The following TANGO6 variants were observed in gnomAD, a reference collection of about 807,000 sequenced individuals.
The protein encoded by TANGO6 is transport and Golgi organization protein 6 homolog.
TANGO6 carries 90 observed loss-of-function variants against 114.2 expected under a neutral mutation model. That is an observed-to-expected ratio of 0.79 (90% CI 0.66 to 0.94). TANGO6 has a LOEUF of 0.94. TANGO6 is among the 40% of genes least tolerant of loss of function. The pLI is 0.00. For synonymous variants in TANGO6, 477 were observed against 509.8 expected, an observed-to-expected ratio of 0.94 and a Z score of 0.87; for missense variants, 1,274 against 1,315.3, an observed-to-expected ratio of 0.97 and a Z score of 0.49.
At chr16:68,848,388 C>T (rs1246074035) in intron 1 of TANGO6, among the ~76,000 whole-genome samples, 1 of 152,044 alleles carries the variant, frequency 6.6e-6, no homozygotes, top group Non-Finnish European at 1.5e-5. Flanking sequence ...ACCTTAATTT[C>T]ACTACCCAGA....
intron 17 of TANGO6, among the ~76,000 whole-genome samples, chr16:69,042,576 C>T (rs1013281571): frequency 6.6e-6 from 1 of 152,128 alleles, no homozygotes; most frequent in Non-Finnish European, 1.5e-5. Flanking sequence ...TCTGTAGGGA[C>T]AGACTTGCTC....
At chr16:68,959,891 A>G (rs1269605590) in intron 14 of TANGO6, among the ~76,000 whole-genome samples, 1 of 152,236 alleles carries the variant, frequency 6.6e-6, no homozygotes, top group Non-Finnish European at 1.5e-5. Flanking sequence ...AAATGTCAGT[A>G]GAAAACTTAG....
chr16:68,866,129 A>G (rs1381982089), intron 3 of TANGO6, among the ~76,000 whole-genome samples: 2 of 152,078 alleles, frequency 1.3e-5, no homozygotes, highest in Non-Finnish European at 2.9e-5. Context: ...TGTTCCGAAG[A>G]TCTACATTTT....
intron 8 of TANGO6, among the ~76,000 whole-genome samples, 184 bp from the exon 9 acceptor site, chr16:68,902,144 G>T (rs891256142): frequency 6.6e-6 from 1 of 151,924 alleles, no homozygotes; most frequent in Non-Finnish European, 1.5e-5. Flanking sequence ...TGAATTTCAG[G>T]ATATTTGCAT....
chr16:68,973,856 C>T, intron 14 of TANGO6, 172 bp from the exon 15 acceptor site: 1 of 671,108 alleles, frequency 1.5e-6, no homozygotes, highest in East Asian at 2.7e-5. Flanking sequence ...CTACCAGGCC[C>T]ATCTTCGTTC....
At chr16:68,914,748 A>G (rs567985707) in intron 11 of TANGO6, among the ~76,000 whole-genome samples, 18 of 152,222 alleles carry the variant, frequency 1.2e-4, no homozygotes, top group African/African-American at 4.3e-4. Context: ...GGAAATGTAT[A>G]GTAGGGGGAG....
chr16:68,853,746 A>G (rs1436776876), intron 1 of TANGO6, among the ~76,000 whole-genome samples: 1 of 152,160 alleles, frequency 6.6e-6, no homozygotes, highest in Non-Finnish European at 1.5e-5. Context: ...ATCATGTCAT[A>G]CTTCTGCCAA....
chr16:69,030,951 G>A (rs1959583858), intron 16 of TANGO6, among the ~76,000 whole-genome samples: 1 of 151,928 alleles, frequency 6.6e-6, no homozygotes, highest in South Asian at 2.1e-4. Flanking sequence ...AGCTACTCAG[G>A]AAGCTGAGGC....
At position 68,907,655 on chromosome 16, in the gene TANGO6, A is replaced by C. The variant is rs1962871542; in HGVS notation, c.1800+80A>C. 16 of 1,446,914 alleles carry C rather than the reference A, an allele frequency of 1.1e-5. No homozygotes were observed. The Admixed American group carries it at 4.7e-4, about 42-fold the overall frequency. The allele number at this position is 1,446,914 out of a possible 1,614,324, so 89.6% of individuals were successfully genotyped here. A position where few individuals can be genotyped will look rare whatever the true frequency, so the allele number is the denominator to read the frequency against. On this transcript the variant is annotated intron_variant, in intron 10 of 17. Transcript: ENST00000261778. ...CCCTTAGAATTTTCAAAGCATTTAT[A>C]ATTTTAGGTCCTAAAATGTAGGCCC...
At chr16:69,020,916 G>A (rs1280711819) in intron 15 of TANGO6, among the ~76,000 whole-genome samples, 1 of 149,870 alleles carries the variant, frequency 6.7e-6, no homozygotes, top group Non-Finnish European at 1.5e-5. Flanking sequence ...GTGTGTGTGT[G>A]TGTGTGTGTG....
intron 17 of TANGO6, among the ~76,000 whole-genome samples, chr16:69,062,266 G>A (rs1960129549): frequency 6.6e-6 from 1 of 152,074 alleles, no homozygotes. Context: ...CTGTACCTGA[G>A]GCTTAGACTT....
At chr16:68,886,351 C>T (rs557440525) in intron 7 of TANGO6, among the ~76,000 whole-genome samples, 12 of 150,674 alleles carry the variant, frequency 8.0e-5, no homozygotes, top group Admixed American at 6.0e-4. Flanking sequence ...CCATGTAGCT[C>T]GGATTACAGG....
At position 69,040,657 on chromosome 16, in the gene TANGO6, G is replaced by A. The variant is rs906538824; in HGVS notation, c.3108+236G>A. Among the ~76,000 whole-genome samples, 12 of 152,218 alleles carry A rather than the reference G, an allele frequency of 7.9e-5. No individual in the cohort carries two copies. In the East Asian group the frequency reaches 1.4e-3, roughly 17 times the overall value. The stretch of plus-strand genomic sequence containing the variant: ...ATACTAAGAAAAACCAGAGCACAAG[G>A]TTGTAGATTGAGGCCCTGAATCCTG... On this transcript the variant is annotated intron_variant, in intron 17 of 17. Coordinates refer to ENST00000261778, the MANE Select transcript of TANGO6 (RefSeq NM_024562.2).
chr16:68,895,427 G>C (rs919210443), intron 7 of TANGO6, among the ~76,000 whole-genome samples: 1 of 152,198 alleles, frequency 6.6e-6, no homozygotes, highest in Non-Finnish European at 1.5e-5. Flanking sequence ...TGTATTCACT[G>C]CCTATTCACC....
chr16:68,846,507 T>C, intron 1 of TANGO6: 1 of 360,308 alleles, frequency 2.8e-6, no homozygotes, highest in African/African-American at 2.3e-5. Context: ...TCTTTCTTTT[T>C]TTTTTTTAGA....
At position 68,863,062 on chromosome 16, in the gene TANGO6, G is replaced by T; in HGVS notation, c.852+1G>T. On this transcript the variant is annotated splice_donor_variant, in intron 3 of 17. Transcript: ENST00000261778. LOFTEE classifies it high-confidence loss of function. ...TATCCTCCAGGGAGGACCACCCCAGGTACTCAGGCCTAGGGACTCTTGGGG... is the reference window on the plus strand; with the variant it reads ...TATCCTCCAGGGAGGACCACCCCAGTTACTCAGGCCTAGGGACTCTTGGGG... 1 of 1,548,732 alleles carries T rather than the reference G, an allele frequency of 6.5e-7. No homozygotes were observed. The highest frequency in any genetic ancestry group is 8.7e-7 in the Non-Finnish European group (1 of 1,145,496).
chr16:68,921,117 T>TTA (rs1392619359), intron 12 of TANGO6, among the ~76,000 whole-genome samples: 1 of 78,936 alleles, frequency 1.3e-5, no homozygotes. Flanking sequence ...AGACTCTGTC[T>TTA]CAAAAAAAAA....
At chr16:68,971,562 A>C (rs985712888) in intron 14 of TANGO6, among the ~76,000 whole-genome samples, 1 of 152,124 alleles carries the variant, frequency 6.6e-6, no homozygotes, top group Admixed American at 6.5e-5. Context: ...GGTGTGAGCC[A>C]CTGCACCTAG....
At chr16:69,014,262 C>T (rs530410600) in intron 15 of TANGO6, among the ~76,000 whole-genome samples, 22 of 152,272 alleles carry the variant, frequency 1.4e-4, no homozygotes, top group African/African-American at 5.3e-4. Context: ...TTTAGTTCCT[C>T]ATGGTTTCAA....
Sources: gnomAD v4.1 joint callset for allele counts (sites outside exome capture counted in the v4.1 genomes callset) on GRCh38, gnomAD v4.1.1 for gene constraint, MANE v1.5 for transcripts, NCBI Gene and HGNC (gene_info 2026-07-23, HGNC 2026-07-21) for gene names.